The following DIAPH2 variants were observed in gnomAD, a reference collection of about 807,000 sequenced individuals.
DIAPH2 encodes the protein protein diaphanous homolog 2.
A neutral mutation model predicts 92.7 loss-of-function variants in DIAPH2; 35 were observed. That is an observed-to-expected ratio of 0.38 (90% CI 0.29 to 0.50). The LOEUF (loss-of-function observed/expected upper bound fraction) is 0.50. DIAPH2 is among the 20% of genes least tolerant of loss of function. The pLI, the probability that DIAPH2 is intolerant of heterozygous loss-of-function variation, is 0.94. For synonymous variants in DIAPH2, 301 were observed against 280.4 expected, an observed-to-expected ratio of 1.07 and a Z score of -0.73; for missense variants, 701 against 819.5, an observed-to-expected ratio of 0.86 and a Z score of 1.77.
At chrX:97,202,790 C>G (rs1030956777) in intron 22 of DIAPH2, among the ~76,000 whole-genome samples, 1 of 112,051 alleles carries the variant, frequency 8.9e-6, no homozygotes, top group African/African-American at 3.2e-5. Flanking sequence ...AGAAAATTAA[C>G]AAGGATATTC....
chrX:97,509,632 G>C (rs181220455), intron 26 of DIAPH2, among the ~76,000 whole-genome samples: 32 of 105,619 alleles, frequency 3.0e-4, no homozygotes, highest in Non-Finnish European at 5.2e-4. Flanking sequence ...AGCATTAGGT[G>C]TATCTCCTAA....
chrX:97,029,115 A>G (rs142668110), intron 17 of DIAPH2, among the ~76,000 whole-genome samples: 4 of 108,186 alleles, frequency 3.7e-5, no homozygotes, highest in East Asian at 5.8e-4. Context: ...TTGCAGAAAT[A>G]GCTATTGAGA....
rs1229628946 is a variant in DIAPH2, at chrX:96,902,148, GC to G, written c.588-10179del. Among the ~76,000 whole-genome samples the G allele has an allele frequency of 3.6e-5, 4 of 112,019 alleles. No homozygotes were observed. The East Asian group carries it at 8.4e-4, about 23-fold the overall frequency. The stretch of plus-strand genomic sequence containing the variant: ...TTATTCCATTGTGTTCTGAGAAGAT[GC>G]TTGATCTGATTTTGAGTTTCTTAAA... On this transcript the variant is annotated intron_variant, in intron 5 of 26. Coordinates refer to ENST00000324765, the MANE Select transcript of DIAPH2 (RefSeq NM_006729.5).
chrX:97,355,668 T>A (rs1328496270), intron 24 of DIAPH2, among the ~76,000 whole-genome samples: 2 of 111,298 alleles, frequency 1.8e-5, no homozygotes, highest in African/African-American at 3.3e-5. Flanking sequence ...AAACTAGATG[T>A]CTCCAGGTCT....
intron 17 of DIAPH2, among the ~76,000 whole-genome samples, chrX:97,027,241 A>C (rs768134632): frequency 8.9e-6 from 1 of 112,449 alleles, no homozygotes; most frequent in African/African-American, 3.2e-5. Flanking sequence ...ATTATCAATC[A>C]TATCACTTCA....
Position 97,348,284 on chromosome X carries a change from A to C in DIAPH2, c.3009+4A>C, listed in dbSNP as rs377256059. The C allele has an allele frequency of 1.2e-4, 140 of 1,190,708 alleles. No individual in the cohort carries two copies. Among genetic ancestry groups the C allele is most frequent in the Middle Eastern group, 1.2e-3 (5 of 4,258 alleles). On this transcript the variant is annotated splice_donor_region_variant and intron_variant, in intron 24 of 26. Coordinates refer to ENST00000324765, the MANE Select transcript of DIAPH2 (RefSeq NM_006729.5). ...CAACTTCCGAACTTTGTTTTTGGTA[A>C]GTAATACATCTTAAAGCATTGCAAG... is the stretch of plus-strand genomic sequence containing the variant.
At chrX:97,090,334 T>TTTTTTTTTTTG (rs1242933185) in intron 19 of DIAPH2, among the ~76,000 whole-genome samples, 1 of 65,237 alleles carries the variant, frequency 1.5e-5, no homozygotes, top group African/African-American at 6.8e-5. Context: ...TTTTTTTTTT[T>TTTTTTTTTTTG]GAGAAAGAGC....
intron 24 of DIAPH2, among the ~76,000 whole-genome samples, chrX:97,361,561 T>C (rs192975337): frequency 5.3e-5 from 6 of 112,271 alleles, no homozygotes; most frequent in Non-Finnish European, 1.1e-4. Flanking sequence ...CTTAAGAATA[T>C]GGTTTTACTC....
chrX:97,265,593 A>G (rs2068329907), intron 23 of DIAPH2, among the ~76,000 whole-genome samples: 1 of 112,190 alleles, frequency 8.9e-6, no homozygotes, highest in Admixed American at 9.6e-5. Context: ...AGACATGTAA[A>G]GATCTAGTTA....
At chrX:97,021,718 A>G (rs1010227899) in intron 17 of DIAPH2, among the ~76,000 whole-genome samples, 1 of 111,998 alleles carries the variant, frequency 8.9e-6, no homozygotes, top group Non-Finnish European at 1.9e-5. Context: ...ATTAGGGAAA[A>G]TAAGTCATTG....
At chrX:97,015,399 C>A (rs1486404464) in intron 17 of DIAPH2, among the ~76,000 whole-genome samples, 1 of 111,618 alleles carries the variant, frequency 9.0e-6, no homozygotes, top group Non-Finnish European at 1.9e-5. Context: ...TTCATTGATG[C>A]ACAATAAAAA....
chrX:97,035,551 C>T (rs771640251), intron 17 of DIAPH2, among the ~76,000 whole-genome samples: 1 of 111,409 alleles, frequency 9.0e-6, no homozygotes, highest in Non-Finnish European at 1.9e-5. Context: ...TAGATATGTA[C>T]AAGATATTGA....
At chrX:97,385,078 G>T (rs1036557695) in intron 25 of DIAPH2, among the ~76,000 whole-genome samples, 6 of 110,041 alleles carry the variant, frequency 5.5e-5, no homozygotes, top group African/African-American at 1.3e-4. Context: ...CTGAGGTTTA[G>T]AGAATTTAGG....
rs1329386890 is a variant in DIAPH2, at chrX:97,184,662, T to C, written c.2719+42868T>C. ...GGCTCAGTGAGACCAATCATTGTGA[T>C]TGGCAAATGAACTCAAAACACTATC... is the stretch of plus-strand genomic sequence containing the variant. On this transcript the variant is annotated intron_variant, in intron 22 of 26. Coordinates refer to ENST00000324765, the MANE Select transcript of DIAPH2 (RefSeq NM_006729.5). Among the ~76,000 whole-genome samples, 4 of 111,506 alleles carry C rather than the reference T, an allele frequency of 3.6e-5. No homozygotes were observed. The East Asian group carries it at 1.1e-3, about 31-fold the overall frequency.
chrX:97,363,581 A>G (rs2069347693), intron 24 of DIAPH2, among the ~76,000 whole-genome samples: 2 of 103,039 alleles, frequency 1.9e-5, no homozygotes, highest in African/African-American at 7.2e-5. Context: ...CAGGAGAATC[A>G]CTTGAACCTG....
At chrX:96,881,338 C>A (rs2065211628) in intron 4 of DIAPH2, among the ~76,000 whole-genome samples, 1 of 110,750 alleles carries the variant, frequency 9.0e-6, no homozygotes, top group Non-Finnish European at 1.9e-5. Flanking sequence ...TTATGTAATT[C>A]AAGTTCATAT....
intron 22 of DIAPH2, among the ~76,000 whole-genome samples, chrX:97,194,321 G>A (rs1295779564): frequency 9.1e-5 from 9 of 98,525 alleles, no homozygotes; most frequent in Non-Finnish European, 1.6e-4. Context: ...TTGCTCTGTT[G>A]CCCAGGCTGG....
At chrX:97,546,307 T>C (rs1163236586) in intron 26 of DIAPH2, among the ~76,000 whole-genome samples, 2 of 111,856 alleles carry the variant, frequency 1.8e-5, no homozygotes, top group Non-Finnish European at 3.8e-5. Context: ...CTCTTAATTT[T>C]CAGTTTTCAT....
chrX:96,754,689 C>T (rs2064213682), intron 3 of DIAPH2, among the ~76,000 whole-genome samples: 3 of 109,386 alleles, frequency 2.7e-5, no homozygotes, highest in Admixed American at 2.0e-4. Context: ...CTTTGGGAGG[C>T]CGAGGCGGGT....
Sources: allele counts gnomAD v4.1 joint callset (sites outside exome capture counted in the v4.1 genomes callset), GRCh38; gene constraint gnomAD v4.1.1; transcripts MANE v1.5; gene names NCBI Gene and HGNC (gene_info 2026-07-23, HGNC 2026-07-21).